The following CNTN3 variants were observed in gnomAD, a reference collection of about 807,000 sequenced individuals.
CNTN3 encodes the protein contactin 3, also known as contactin-3.
Under a neutral mutation model 119.1 loss-of-function variants are expected in CNTN3, and 60 were observed. That is an observed-to-expected ratio of 0.50 (90% confidence interval 0.41 to 0.62). The LOEUF (loss-of-function observed/expected upper bound fraction) is 0.62. Among genes scored for constraint, CNTN3 ranks in the 20% least tolerant of loss-of-function variants. CNTN3 has a pLI of 0.00. For synonymous variants in CNTN3, 450 were observed against 438.7 expected, an observed-to-expected ratio of 1.03 and a Z score of -0.32; for missense variants, 1,101 against 1,242.4, an observed-to-expected ratio of 0.89 and a Z score of 1.71.
At chr3:74,520,113 G>T (rs1335460901) in intron 2 of CNTN3, among the ~76,000 whole-genome samples, 1 of 151,260 alleles carries the variant, frequency 6.6e-6, no homozygotes, top group Admixed American at 6.6e-5. Context: ...AGGTTCCTCA[G>T]GTATCATGAA....
chr3:74,364,751 T>C (rs143007244), intron 9 of CNTN3, among the ~76,000 whole-genome samples, 155 bp from the exon 10 acceptor site: 1,536 of 152,304 alleles, frequency 0.01, 10 homozygotes, highest in East Asian at 0.026. Context: ...TTATTTTAAA[T>C]GTGAAAGACT....
rs541543138 is a variant in CNTN3 at position 74,500,033 on chromosome 3, G to A, written c.56-248C>T. Reference sequence around the variant, plus strand: ...TGCCATATTAAGATCATTTCATACCGCAGCAATTACTTTTTATTACAACAA... The same window carrying A: ...TGCCATATTAAGATCATTTCATACCACAGCAATTACTTTTTATTACAACAA... On this transcript the variant is annotated intron_variant, in intron 2 of 22. Transcript: ENST00000263665. Among the ~76,000 whole-genome samples the A allele has an allele frequency of 9.8e-4, 149 of 152,076 alleles. 1 individual carries two copies. Among genetic ancestry groups the A allele is most frequent in the Non-Finnish European group, 1.8e-3 (123 of 67,948 alleles).
At chr3:74,297,749 C>T (rs749894596) in intron 18 of CNTN3, among the ~76,000 whole-genome samples, 2 of 152,148 alleles carry the variant, frequency 1.3e-5, no homozygotes, top group African/African-American at 2.4e-5. Context: ...TTTCCTTTCA[C>T]GGTTACATCC....
At chr3:74,343,367 T>C (rs757985453) in intron 11 of CNTN3, among the ~76,000 whole-genome samples, 2 of 152,188 alleles carry the variant, frequency 1.3e-5, no homozygotes, top group Middle Eastern at 3.2e-3. Context: ...CAGGGTCTTC[T>C]ACAGAAATTT....
At chr3:74,338,983 C>T (rs938700282) in intron 11 of CNTN3, among the ~76,000 whole-genome samples, 1 of 152,010 alleles carries the variant, frequency 6.6e-6, no homozygotes, top group Non-Finnish European at 1.5e-5. Context: ...CATAACTTTA[C>T]TGGAAAAGAT....
At chr3:74,563,487 G>A (rs1297978610) in intron 1 of CNTN3, among the ~76,000 whole-genome samples, 1 of 151,936 alleles carries the variant, frequency 6.6e-6, no homozygotes, top group African/African-American at 2.4e-5. Context: ...TCCTTTTACT[G>A]GTCGAGTGGG....
chr3:74,550,286 C>T (rs553817309), intron 1 of CNTN3, among the ~76,000 whole-genome samples: 2 of 152,262 alleles, frequency 1.3e-5, no homozygotes, highest in Admixed American at 6.5e-5. Flanking sequence ...AGAATACATA[C>T]GAACTGAGCG....
At chr3:74,477,469 T>C (rs1160917003) in intron 4 of CNTN3, among the ~76,000 whole-genome samples, 2 of 152,074 alleles carry the variant, frequency 1.3e-5, no homozygotes, top group East Asian at 1.9e-4. Context: ...CCTGACATCA[T>C]GTTGAGTGAA....
At chr3:74,318,594 T>C (rs573169254) in intron 13 of CNTN3, among the ~76,000 whole-genome samples, 78 of 152,314 alleles carry the variant, frequency 5.1e-4, no homozygotes, top group Admixed American at 4.4e-3. Flanking sequence ...TGGAGTTTGC[T>C]AGAGGTCCAC....
At chr3:74,287,833 A>G (rs940732547) in intron 19 of CNTN3, among the ~76,000 whole-genome samples, 2 of 152,184 alleles carry the variant, frequency 1.3e-5, no homozygotes, top group Non-Finnish European at 2.9e-5. Context: ...ATCTTTGCCT[A>G]ATAAAGAATA....
At chr3:74,271,460 T>C (rs1414405118) in intron 20 of CNTN3, among the ~76,000 whole-genome samples, 3 of 152,226 alleles carry the variant, frequency 2.0e-5, no homozygotes, top group Non-Finnish European at 4.4e-5. Flanking sequence ...CTTTATATAA[T>C]ACAAAGTAGA....
chr3:74,444,128 T>C (rs949263655), intron 4 of CNTN3, among the ~76,000 whole-genome samples: 24 of 152,152 alleles, frequency 1.6e-4, no homozygotes, highest in Non-Finnish European at 3.4e-4. Flanking sequence ...CCGGTTTACA[T>C]GGATGTCTTC....
At chr3:74,508,422 T>C (rs544393061) in intron 2 of CNTN3, among the ~76,000 whole-genome samples, 1 of 152,246 alleles carries the variant, frequency 6.6e-6, no homozygotes, top group East Asian at 1.9e-4. Context: ...CCAAAATGCA[T>C]CTGGAACTAT....
At chr3:74,459,432 G>A (rs1001958315) in intron 4 of CNTN3, among the ~76,000 whole-genome samples, 12 of 151,944 alleles carry the variant, frequency 7.9e-5, no homozygotes, top group Non-Finnish European at 1.2e-4. Flanking sequence ...CAAAGCTCAC[G>A]CTCCTACTGA....
intron 13 of CNTN3, among the ~76,000 whole-genome samples, chr3:74,313,379 A>G (rs981177235): frequency 2.6e-5 from 4 of 152,176 alleles, no homozygotes; most frequent in Admixed American, 2.6e-4. Context: ...AGTCACAAAA[A>G]CTAAAACAAG....
Position 74,523,188 on chromosome 3 carries a change from A to G in CNTN3, c.-80-1996T>C, listed in dbSNP as rs556526283. Among the ~76,000 whole-genome samples the G allele has an allele frequency of 3.3e-5, 5 of 151,962 alleles. No individual in the cohort carries two copies. The South Asian group carries it at 1.0e-3, about 32-fold the overall frequency. On this transcript the variant is annotated intron_variant, in intron 1 of 22. Coordinates refer to ENST00000263665, the MANE Select transcript of CNTN3 (RefSeq NM_020872.3). ...GATAACTGAAATCATTCTAGATTAG[A>G]TTTAATTTATAACTGGCAGCCATAG... is the stretch of plus-strand genomic sequence containing the variant.
intron 11 of CNTN3, among the ~76,000 whole-genome samples, chr3:74,343,094 C>T (rs1053460113): frequency 6.6e-6 from 1 of 152,106 alleles, no homozygotes; most frequent in Non-Finnish European, 1.5e-5. Context: ...TGAGTCTAAC[C>T]AGGGAAAATA....
At chr3:74,319,621 C>T (rs1485448955) in intron 13 of CNTN3, among the ~76,000 whole-genome samples, 1 of 151,806 alleles carries the variant, frequency 6.6e-6, no homozygotes, top group Non-Finnish European at 1.5e-5. Context: ...GACTTCATGT[C>T]TAAAACACCA....
chr3:74,354,935 G>C (rs112683119), intron 11 of CNTN3, among the ~76,000 whole-genome samples: 2,884 of 152,124 alleles, frequency 0.019, 121 homozygotes, highest in African/African-American at 0.066. Context: ...ACCATTTAAA[G>C]ACATCTACCC....
Sources: gnomAD v4.1 joint callset for allele counts (sites outside exome capture counted in the v4.1 genomes callset) on GRCh38, gnomAD v4.1.1 for gene constraint, MANE v1.5 for transcripts, NCBI Gene and HGNC (gene_info 2026-07-23, HGNC 2026-07-21) for gene names.